CLIC2: variants seen among roughly 807,000 people sequenced by gnomAD.
CLIC2 encodes chloride intracellular channel protein 2.
CLIC2 carries 9 observed loss-of-function variants against 14.8 expected under a neutral mutation model. That is an observed-to-expected ratio of 0.61 (90% CI 0.37 to 1.06). The LOEUF (loss-of-function observed/expected upper bound fraction) is 1.06. CLIC2 is among the 50% of genes least tolerant of loss of function. The pLI is 0.01. For missense variants in CLIC2, 148 were observed against 181.4 expected, an observed-to-expected ratio of 0.82 and a Z score of 1.06; for synonymous variants, 61 against 66.3, an observed-to-expected ratio of 0.92 and a Z score of 0.39.
At chrX:155,321,503 C>G (rs1281321504) in intron 1 of CLIC2, among the ~76,000 whole-genome samples, 1 of 83,592 alleles carries the variant, frequency 1.2e-5, no homozygotes, top group African/African-American at 4.4e-5. Flanking sequence ...CCTTTACAGA[C>G]AAGCAAATGC....
intron 3 of CLIC2, among the ~76,000 whole-genome samples, chrX:155,298,268 A>G (rs2075001422): frequency 8.9e-6 from 1 of 112,332 alleles, no homozygotes; most frequent in Non-Finnish European, 1.9e-5. Flanking sequence ...TTTGTTACAC[A>G]GCAATAGAAA....
chrX:155,331,548 C>T (rs1396487143), intron 1 of CLIC2, among the ~76,000 whole-genome samples: 1 of 111,344 alleles, frequency 9.0e-6, no homozygotes, highest in Non-Finnish European at 1.9e-5. Context: ...ACTACATTGC[C>T]AACTACTGTG....
At chrX:155,303,524 C>T (rs1221970594) in intron 1 of CLIC2, among the ~76,000 whole-genome samples, 206 of 88,534 alleles carry the variant, frequency 2.3e-3, no homozygotes, top group East Asian at 7.3e-3. Context: ...TGGGTCTTGA[C>T]TCTTTATCCA....
At chrX:155,296,294 A>T (rs1557318341) in intron 3 of CLIC2, among the ~76,000 whole-genome samples, 1 of 112,001 alleles carries the variant, frequency 8.9e-6, no homozygotes, top group African/African-American at 3.2e-5. Context: ...GTACTGGGAA[A>T]ATTGGACAGC....
intron 1 of CLIC2, among the ~76,000 whole-genome samples, chrX:155,307,439 G>A (rs1416299482): frequency 1.8e-5 from 2 of 110,847 alleles, no homozygotes; most frequent in Non-Finnish European, 3.8e-5. Context: ...AGGAGGGAGA[G>A]AAGAGAAAAA....
chrX:155,279,938 G>C (rs782808978), intron 4 of CLIC2, 24 bp downstream of exon 4: 10 of 1,006,352 alleles, frequency 9.9e-6, no homozygotes, highest in Non-Finnish European at 1.4e-5. Context: ...GAGAAAAATA[G>C]AGATTTAAAG....
intron 3 of CLIC2, chrX:155,291,028 C>T (rs1387980341): frequency 2.8e-6 from 2 of 712,309 alleles, no homozygotes; most frequent in Non-Finnish European, 4.5e-6. Context: ...TCATCTTTAA[C>T]GTGGCCACCT....
intron 3 of CLIC2, among the ~76,000 whole-genome samples, chrX:155,293,828 A>T (rs968277538): frequency 1.8e-5 from 2 of 112,011 alleles, no homozygotes; most frequent in Non-Finnish European, 3.8e-5. Context: ...CTATCATTAT[A>T]TAATGACAGA....
At chrX:155,292,575 C>T (rs928396352) in intron 3 of CLIC2, 193 of 388,668 alleles carry the variant, frequency 5.0e-4, no homozygotes, top group Non-Finnish European at 7.4e-4. Context: ...TCGAGACCAT[C>T]CTGGCTAACA....
intron 3 of CLIC2, among the ~76,000 whole-genome samples, chrX:155,296,709 G>A (rs1239723323): frequency 4.5e-5 from 5 of 111,190 alleles, no homozygotes; most frequent in Non-Finnish European, 9.5e-5. Flanking sequence ...ATAAAGAAAT[G>A]CTCAACTTTA....
chrX:155,283,386 C>T (rs1569561197), intron 3 of CLIC2, among the ~76,000 whole-genome samples: 1 of 111,485 alleles, frequency 9.0e-6, no homozygotes, highest in Non-Finnish European at 1.9e-5. Flanking sequence ...GTGCTAAATG[C>T]TATAAATGTA....
At chrX:155,283,820 TTTAG>T (rs1161121439) in intron 3 of CLIC2, among the ~76,000 whole-genome samples, 1 of 111,876 alleles carries the variant, frequency 8.9e-6, no homozygotes, top group Non-Finnish European at 1.9e-5. Flanking sequence ...TTGTTGTTGG[TTTAG>T]TTAATTTTCT....
intron 3 of CLIC2, among the ~76,000 whole-genome samples, chrX:155,285,878 A>G (rs1188710397): frequency 1.8e-5 from 2 of 109,469 alleles, no homozygotes; most frequent in Non-Finnish European, 3.8e-5. Flanking sequence ...ATAGGCAAGA[A>G]GGAAGGGAGA....
At chrX:155,285,858 G>A (rs781857868) in intron 3 of CLIC2, among the ~76,000 whole-genome samples, 4 of 107,922 alleles carry the variant, frequency 3.7e-5, no homozygotes, top group Non-Finnish European at 7.7e-5. Flanking sequence ...TTTAAGGAGC[G>A]GAGAGTTTAA....
intron 1 of CLIC2, among the ~76,000 whole-genome samples, chrX:155,305,259 CA>C (rs2075048953): frequency 8.9e-6 from 1 of 112,269 alleles, no homozygotes; most frequent in Non-Finnish European, 1.9e-5. Flanking sequence ...CCCTCCGAGC[CA>C]GGTGCGGGAT....
chrX:155,298,246 A>C lies in CLIC2; in HGVS notation c.293+539T>G, dbSNP rs2075001252. On this transcript the variant is annotated intron_variant, in intron 3 of 5. Transcript: ENST00000369449. ...AAATAGCTGTTGTTTTAAGATACTA[A>C]GTTTGTGGTAATTTGTTACACAGCA... 2.7e-5 allele frequency among the ~76,000 whole-genome samples: 3 copies of C among 111,980 alleles called. No homozygotes were observed. The Admixed American group carries it at 2.9e-4, about 11-fold the overall frequency.
chrX:155,290,597 G>A (rs1301474885), intron 3 of CLIC2: 11 of 670,489 alleles, frequency 1.6e-5, no homozygotes, highest in Admixed American at 1.6e-4. Context: ...TACTGCATGT[G>A]TATCTGGGCA....
chrX:155,330,997 A>G (rs782147654), intron 1 of CLIC2, among the ~76,000 whole-genome samples: 1 of 111,419 alleles, frequency 9.0e-6, no homozygotes, highest in Non-Finnish European at 1.9e-5. Context: ...ATTTTTTGAC[A>G]AAATTTTCTT....
In CLIC2 at chrX:155,299,016, C is replaced by T. The variant is rs368081571; in HGVS notation, c.167+20G>A. 4.2e-6 allele frequency: 5 copies of T among 1,180,719 alleles called. No individual in the cohort carries two copies. The highest frequency in any genetic ancestry group is 1.8e-5 in the South Asian group (1 of 56,255). Reference sequence around the variant, plus strand: ...ACCAATCTCAATTCCTAGAATTTAACATGTCCTGATTTCTCTTACCTGGTC... The same window carrying T: ...ACCAATCTCAATTCCTAGAATTTAATATGTCCTGATTTCTCTTACCTGGTC... On this transcript the variant is annotated intron_variant, in intron 2 of 5. Coordinates refer to ENST00000369449, the MANE Select transcript of CLIC2 (RefSeq NM_001289.6).
Sources: allele counts gnomAD v4.1 joint callset (sites outside exome capture counted in the v4.1 genomes callset), GRCh38; gene constraint gnomAD v4.1.1; transcripts MANE v1.5; gene names NCBI Gene and HGNC (gene_info 2026-07-23, HGNC 2026-07-21).